Variants in FBXO41 observed in about 807,000 individuals in gnomAD.
The protein encoded by FBXO41 is F-box only protein 41.
Under a neutral mutation model 81.6 loss-of-function variants are expected in FBXO41, and 33 were observed. The ratio of observed to expected loss-of-function variants is 0.40; its 90% CI spans 0.31 to 0.54. The LOEUF is 0.54. Among genes scored for constraint, FBXO41 ranks in the 20% least tolerant of loss-of-function variants. FBXO41 has a pLI of 0.39. For synonymous variants in FBXO41, 576 were observed against 552.7 expected (o/e 1.04, Z -0.59); for missense variants, 1,107 against 1,236.0 (o/e 0.90, Z 1.56).
At position 73,268,886 on chromosome 2, in the gene FBXO41, C is replaced by A; in HGVS notation, c.745G>T (p.Glu249Ter). 6.4e-7 allele frequency: 1 copy of A among 1,556,094 alleles called. No homozygotes were observed. The highest frequency in any genetic ancestry group is 8.7e-7 in the Non-Finnish European group (1 of 1,153,040). Residue 249 changes from glutamate to a stop codon, truncating the protein, a stop_gained, in exon 2 of 13, where the codon GAG becomes TAG. Coordinates refer to ENST00000520530, the MANE Select transcript of FBXO41 (RefSeq NM_001371389.2). LOFTEE classifies it high-confidence loss of function. ...AELERKAAEL[E>*]TARQESARLG... Reference sequence around the variant, plus strand: ...CTCGCACTCTCCTGCCGCGCAGTCTCCAGTTCGGCCGCCTTGCGCTCCAGC... The same window carrying A: ...CTCGCACTCTCCTGCCGCGCAGTCTACAGTTCGGCCGCCTTGCGCTCCAGC...
In FBXO41 at chr2:73,258,877, T is replaced by A; in HGVS notation, c.*105A>T. On this transcript the variant is annotated 3_prime_UTR_variant, in exon 13 of 13. Coordinates refer to ENST00000520530, the MANE Select transcript of FBXO41 (RefSeq NM_001371389.2). The stretch of plus-strand genomic sequence containing the variant: ...ACAGTCCCCCTCCAGAAGCCAGGGA[T>A]AACACTCGGCCTCCAAAGGTCTAGT... The A allele has an allele frequency of 8.0e-7, 1 of 1,249,744 alleles. No individual in the cohort carries two copies. The highest frequency in any genetic ancestry group is 2.6e-5 in the East Asian group (1 of 39,178). 77.4% of individuals were successfully genotyped at this position (1,249,744 alleles called of 1,614,324 possible).
At chr2:73,271,982 C>T (rs548896704) in intron 1 of FBXO41, among the ~76,000 whole-genome samples, 93 of 152,198 alleles carry the variant, frequency 6.1e-4, no homozygotes, top group South Asian at 3.5e-3. Flanking sequence ...GTTACTTGCA[C>T]CCAGAAAATA....
intron 1 of FBXO41, among the ~76,000 whole-genome samples, chr2:73,277,989 G>C (rs1464592743): frequency 6.6e-6 from 1 of 152,180 alleles, no homozygotes; most frequent in Non-Finnish European, 1.5e-5. Flanking sequence ...CCCAGGCCTG[G>C]CTAATCACAG....
chr2:73,262,398 G>A (rs566604123), intron 9 of FBXO41, among the ~76,000 whole-genome samples: 94 of 152,284 alleles, frequency 6.2e-4, no homozygotes, highest in Non-Finnish European at 1.1e-3. Flanking sequence ...AAAATGTAGG[G>A]AGCAAAAGAG....
Position 73,259,328 on chromosome 2 carries a change from T to A in FBXO41, c.2450-32A>T. The A allele has an allele frequency of 6.3e-7, 1 of 1,588,616 alleles. No homozygotes were observed. On this transcript the variant is annotated intron_variant, in intron 11 of 12. Transcript: ENST00000520530. This position sits in a 1 kb window ranked among gnomAD's most constrained non-coding sequence, Gnocchi z 4.2. ...AAAGGTGAGCAAAGTAGGGGCGTGT[T>A]TGGCCTGGGCTGTGGAGCTGCCTCC... is the stretch of plus-strand genomic sequence containing the variant.
At chr2:73,283,628 CTG>C in intron 1 of FBXO41, among the ~76,000 whole-genome samples, 1 of 152,236 alleles carries the variant, frequency 6.6e-6, no homozygotes, top group East Asian at 1.9e-4. Flanking sequence ...TTCAGAGACA[CTG>C]TGAGCACTGT....
Position 73,266,377 on chromosome 2 carries a change from G to A in FBXO41, c.1131+80C>T. 1 of 1,394,560 alleles carries A rather than the reference G, an allele frequency of 7.2e-7. No homozygotes were observed. The highest frequency in any genetic ancestry group is 9.5e-7 in the Non-Finnish European group (1 of 1,052,568). The allele number at this position is 1,394,560 out of a possible 1,614,324, so 86.4% of individuals were successfully genotyped here. A position where few individuals can be genotyped will look rare whatever the true frequency, so the allele number is the denominator to read the frequency against. On this transcript the variant is annotated intron_variant, in intron 3 of 12. Transcript: ENST00000520530. This position sits in a 1 kb window ranked among gnomAD's most constrained non-coding sequence, Gnocchi z 5.3. Reference sequence around the variant, plus strand: ...AAGGGGCGAATGCGGCATCATGGGGGAGATGTCCAGCCATGTGAAAGGTGA... The same window carrying A: ...AAGGGGCGAATGCGGCATCATGGGGAAGATGTCCAGCCATGTGAAAGGTGA...
chr2:73,276,095 C>A, intron 1 of FBXO41, among the ~76,000 whole-genome samples: 1 of 146,446 alleles, frequency 6.8e-6, no homozygotes. Flanking sequence ...CAAGATTTAA[C>A]TTTCTTTTTT....
Position 73,268,933 on chromosome 2 carries a change from T to C in FBXO41, c.698A>G (p.Gln233Arg). The C allele has an allele frequency of 1.9e-6, 3 of 1,540,242 alleles. No individual in the cohort carries two copies. Among genetic ancestry groups the C allele is most frequent in the Non-Finnish European group, 2.6e-6 (3 of 1,146,234 alleles). Reference protein sequence around the residue: ...SEEVEQKIAGQVGRLQAELER... With the variant: ...SEEVEQKIAGRVGRLQAELER... Reference sequence around the variant, plus strand: ...CAGCTCGGCCTGCAGCCGGCCCACCTGGCCCGCGATCTTCTGCTCCACCTC... The same window carrying C: ...CAGCTCGGCCTGCAGCCGGCCCACCCGGCCCGCGATCTTCTGCTCCACCTC... The change falls in exon 2 of 13, where the codon CAG (glutamine) becomes CGG (arginine). Residue 233 changes from glutamine to arginine, a missense_variant. Transcript: ENST00000520530.
At chr2:73,279,050 G>T (rs1407834956) in intron 1 of FBXO41, among the ~76,000 whole-genome samples, 11 of 152,202 alleles carry the variant, frequency 7.2e-5, no homozygotes, top group Admixed American at 7.2e-4. Context: ...TGGAACACCG[G>T]AAGTGGAAAC....
intron 8 of FBXO41, 58 bp downstream of exon 8, chr2:73,263,620 A>G (rs1254297701): frequency 1.9e-5 from 30 of 1,594,828 alleles, no homozygotes; most frequent in Non-Finnish European, 2.1e-5. Context: ...GCACCTAGGG[A>G]TCCGGTAGGA....
At position 73,269,047 on chromosome 2, in the gene FBXO41, T is replaced by A; in HGVS notation, c.584A>T (p.Asp195Val). The change falls in exon 2 of 13, where the codon GAT becomes GTT. Residue 195 changes from aspartate to valine, a missense_variant. Asp to Val is a radical substitution (Grantham distance 152, BLOSUM62 -3). Transcript: ENST00000520530. This position sits in a 1 kb window ranked among gnomAD's most constrained non-coding sequence, Gnocchi z 7.0. ...SASPASPSPADVAYEEGLARL... is the reference protein window; with the variant it reads ...SASPASPSPAVVAYEEGLARL... ...CGCCAGGCCCTCTTCGTAGGCCACA[T>A]CAGCGGGTGAGGGGGACGCGGGCGA... 1 of 1,533,712 alleles carries A rather than the reference T, an allele frequency of 6.5e-7. No homozygotes were observed. The highest frequency in any genetic ancestry group is 1.4e-5 in the African/African-American group (1 of 72,462).
Position 73,264,047 on chromosome 2 carries a change from C to T in FBXO41, c.1813G>A (p.Ala605Thr). The T allele has an allele frequency of 6.3e-7, 1 of 1,593,338 alleles. No homozygotes were observed. Among genetic ancestry groups the T allele is most frequent in the Middle Eastern group, 1.7e-4 (1 of 6,046 alleles). ...ENARVCSKFL[A>T]MLAQWCTQAH... ...TGGGTGCACCACTGAGCCAGCATTG[C>T]CAGGAACTGTGGGGGAGGGGAAGGA... is the stretch of plus-strand genomic sequence containing the variant. Residue 605 changes from alanine to threonine, a missense_variant, in exon 7 of 13, where the codon GCA becomes ACA. Ala to Thr is a moderately conservative substitution (Grantham distance 58). Around this residue, in one of 2 missense-constraint regions of FBXO41, gnomAD observed 336 missense variants for 446.7 expected, o/e 0.75. Coordinates refer to ENST00000520530, the MANE Select transcript of FBXO41 (RefSeq NM_001371389.2).
At chr2:73,267,028 G>A (rs1688302438) in intron 2 of FBXO41, among the ~76,000 whole-genome samples, 2 of 152,068 alleles carry the variant, frequency 1.3e-5, no homozygotes, top group South Asian at 4.2e-4. Context: ...TGTACCCCAT[G>A]TACATCCATA....
In FBXO41 at chr2:73,258,091, G is replaced by A. The variant is rs1158165052; in HGVS notation, c.*891C>T. 2 of 152,254 alleles carry A rather than the reference G, an allele frequency of 1.3e-5. No homozygotes were observed. The highest frequency in any genetic ancestry group is 2.9e-5 in the Non-Finnish European group (2 of 68,082). 9.4% of individuals were successfully genotyped at this position (152,254 alleles called of 1,614,324 possible). A position where few individuals can be genotyped will look rare whatever the true frequency, so the allele number is the denominator to read the frequency against. On this transcript the variant is annotated 3_prime_UTR_variant, in exon 13 of 13. Coordinates refer to ENST00000520530, the MANE Select transcript of FBXO41 (RefSeq NM_001371389.2). ...TCCTGCCCAAGCACCTGGATTAGAA[G>A]GAAATTCCTTAAGGACAGGAACTAC...
chr2:73,273,501 A>G (rs755509409), intron 1 of FBXO41, among the ~76,000 whole-genome samples: 2 of 152,126 alleles, frequency 1.3e-5, no homozygotes, highest in Non-Finnish European at 2.9e-5. Flanking sequence ...GACAGCTTCC[A>G]TTGGCTCCCA....
intron 1 of FBXO41, among the ~76,000 whole-genome samples, chr2:73,280,784 C>T (rs1688825014): frequency 6.6e-6 from 1 of 152,218 alleles, no homozygotes; most frequent in African/African-American, 2.4e-5. Context: ...CATGTTTGCA[C>T]ATCAAATACC....
intron 1 of FBXO41, chr2:73,270,835 C>CCTAA: frequency 1.9e-6 from 1 of 534,512 alleles, no homozygotes; most frequent in Non-Finnish European, 3.8e-6. Context: ...CCATCCTCTT[C>CCTAA]CTAACTGCCT....
At position 73,264,519 on chromosome 2, in the gene FBXO41, G is replaced by T. The variant is rs772897926; in HGVS notation, c.1565C>A (p.Ala522Asp). 6.2e-7 allele frequency: 1 copy of T among 1,613,318 alleles called. No individual in the cohort carries two copies. Among genetic ancestry groups the T allele is most frequent in the South Asian group, 1.1e-5 (1 of 91,060 alleles). ...CCGCCCACTGCCTCCCTCGGGGCGG[G>T]CTGCAGAATACCAGGGGTTCAAAAG... Reference protein sequence around the residue: ...AGPLSSCRLSARPEGGSGRGR... With the variant: ...AGPLSSCRLSDRPEGGSGRGR... The change falls in exon 6 of 13, where the codon GCC (alanine) becomes GAC (aspartate). Residue 522 changes from alanine (A) to aspartate (D), a missense_variant and splice_region_variant. By Grantham distance (126) the Ala-to-Asp change is moderately radical (BLOSUM62 -2). This residue lies in a region of FBXO41 where 771 missense variants were observed against 789.2 expected (regional missense o/e 0.98). Transcript: ENST00000520530.
Sources: allele counts gnomAD v4.1 joint callset (sites outside exome capture counted in the v4.1 genomes callset), GRCh38; gene constraint gnomAD v4.1.1; regional missense constraint gnomAD v4.1.1; non-coding constraint Gnocchi (gnomAD v3.1); transcripts MANE v1.5; gene names NCBI Gene and HGNC (gene_info 2026-07-23, HGNC 2026-07-21).